ZNF254: variants seen among roughly 807,000 people sequenced by gnomAD.
ZNF254 encodes zinc finger protein 254, also known as CTD-2017D11.1.
A neutral mutation model predicts 12.4 loss-of-function variants in ZNF254; 10 were observed. The observed-to-expected ratio is 0.80, with a 90% CI of 0.50 to 1.36. ZNF254 has a LOEUF of 1.36. Ranked by LOEUF, ZNF254 falls within the 40% of genes most tolerant of loss-of-function variation. ZNF254 has a pLI of 0.00. For missense variants in ZNF254, 996 were observed against 763.9 expected (o/e 1.30, Z -3.58); for synonymous variants, 305 against 253.4 (o/e 1.20, Z -1.93).
chr19:24,115,774 C>G (rs1384465240), intron 3 of ZNF254, among the ~76,000 whole-genome samples: 1 of 152,126 alleles, frequency 6.6e-6, no homozygotes, highest in African/African-American at 2.4e-5. Flanking sequence ...TTAGTTGATG[C>G]AGTGTCTTTC....
intron 3 of ZNF254, among the ~76,000 whole-genome samples, chr19:24,119,013 G>T (rs1301120504): frequency 6.6e-6 from 1 of 151,892 alleles, no homozygotes; most frequent in Non-Finnish European, 1.5e-5. Flanking sequence ...TCGGGAGGCT[G>T]AGGAAGGAGA....
chr19:24,038,851 CT>C (rs1235352526), intron 1 of ZNF254, among the ~76,000 whole-genome samples: 1 of 152,212 alleles, frequency 6.6e-6, no homozygotes, highest in African/African-American at 2.4e-5. Context: ...TTCTATCCCC[CT>C]GGCATCTTCA....
chr19:24,126,483 A>T lies in ZNF254; in HGVS notation c.483A>T (p.Lys161Asn). The T allele has an allele frequency of 6.3e-7, 1 of 1,587,380 alleles. No homozygotes were observed. The highest frequency in any genetic ancestry group is 8.5e-7 in the Non-Finnish European group (1 of 1,171,802). The change falls in exon 4 of 4, where the codon AAA becomes AAT. Residue 161 changes from lysine (K) to asparagine (N), a missense_variant. Lys to Asn is a moderately conservative substitution (Grantham distance 94). Transcript: ENST00000357002. ...TATTTCAATGTGATAAATATTTGAA[A>T]GTCTTCTATAAATTTTTAAATTCAA... The part of the protein sequence containing the change: ...SKVFQCDKYL[K>N]VFYKFLNSNR...
intron 1 of ZNF254, among the ~76,000 whole-genome samples, chr19:24,036,047 CT>C (rs1177946275): frequency 6.6e-6 from 1 of 151,074 alleles, no homozygotes; most frequent in African/African-American, 2.4e-5. Flanking sequence ...AAGTATAATG[CT>C]TTTGTTTTGT....
In ZNF254 at chr19:24,127,439, A is replaced by T; in HGVS notation, c.1439A>T (p.His480Leu). The change falls in exon 4 of 4, where the codon CAT becomes CTT. Residue 480 changes from histidine to leucine, a missense_variant. His to Leu is a moderately conservative substitution (Grantham distance 99, BLOSUM62 -3). Transcript: ENST00000357002. The part of the protein sequence containing the change: ...AFIWSSTLTR[H>L]KRMHTGEKPY... Reference sequence around the variant, plus strand: ...ATATGGTCCTCAACCCTAACTAGACATAAGAGGATGCACACTGGAGAGAAA... The same window carrying T: ...ATATGGTCCTCAACCCTAACTAGACTTAAGAGGATGCACACTGGAGAGAAA... 6.2e-7 allele frequency: 1 copy of T among 1,612,760 alleles called. No homozygotes were observed. Among genetic ancestry groups the T allele is most frequent in the Non-Finnish European group, 8.5e-7 (1 of 1,178,928 alleles).
chr19:24,098,592 G>A (rs143527085), intron 1 of ZNF254: 30 of 152,246 alleles, frequency 2.0e-4, no homozygotes, highest in African/African-American at 7.0e-4. Flanking sequence ...TATGCACTTT[G>A]GGTATTTAGA....
intron 3 of ZNF254, among the ~76,000 whole-genome samples, chr19:24,110,998 A>C (rs1470621205): frequency 6.6e-6 from 1 of 151,964 alleles, no homozygotes; most frequent in Non-Finnish European, 1.5e-5. Context: ...CATGTGCACA[A>C]TGTGCAGGTT....
intron 1 of ZNF254, among the ~76,000 whole-genome samples, chr19:24,090,469 C>T (rs1599682579): frequency 6.6e-6 from 1 of 152,300 alleles, no homozygotes; most frequent in Middle Eastern, 3.4e-3. Context: ...GACAGTTTCC[C>T]TCTGTCACCC....
intron 1 of ZNF254, chr19:24,091,983 C>T (rs1004241246): frequency 4.1e-5 from 9 of 220,234 alleles, no homozygotes; most frequent in Admixed American, 2.0e-4. Context: ...GGGTTCACGC[C>T]GTTCTCAGCC....
At chr19:24,060,195 G>A (rs756397230) in intron 2 of ZNF254, among the ~76,000 whole-genome samples, 1 of 152,164 alleles carries the variant, frequency 6.6e-6, no homozygotes, top group Non-Finnish European at 1.5e-5. Flanking sequence ...CTGCCTTCCA[G>A]GGATATTGTT....
intron 1 of ZNF254, among the ~76,000 whole-genome samples, chr19:24,101,590 TATG>T (rs1473469060): frequency 1.3e-5 from 2 of 152,146 alleles, no homozygotes; most frequent in Non-Finnish European, 2.9e-5. Context: ...ACCTGGAAAA[TATG>T]ATATTAGAGT....
intron 1 of ZNF254, among the ~76,000 whole-genome samples, chr19:24,102,024 T>G (rs1420177247): frequency 6.6e-6 from 1 of 152,164 alleles, no homozygotes; most frequent in Non-Finnish European, 1.5e-5. Context: ...CATATAGTCA[T>G]TAGAAAAATA....
At chr19:24,052,231 T>G (rs1970675464) in intron 2 of ZNF254, among the ~76,000 whole-genome samples, 1 of 152,234 alleles carries the variant, frequency 6.6e-6, no homozygotes, top group Non-Finnish European at 1.5e-5. Context: ...TTGTGTGTTG[T>G]GACATGCCTG....
upstream of ZNF254, among the ~76,000 whole-genome samples, chr19:24,082,669 A>C (rs572149740): frequency 4.6e-3 from 670 of 144,862 alleles, 5 homozygotes; most frequent in African/African-American, 0.016. Flanking sequence ...AAAAAAAAAA[A>C]CCCAAAAAAC....
At chr19:24,097,072 C>A (rs922263544) in intron 1 of ZNF254, among the ~76,000 whole-genome samples, 1 of 151,616 alleles carries the variant, frequency 6.6e-6, no homozygotes, top group Non-Finnish European at 1.5e-5. Flanking sequence ...AGATTTTTAT[C>A]CCTGTTTTTT....
chr19:24,123,564 T>C (rs1974628846), intron 3 of ZNF254, among the ~76,000 whole-genome samples: 1 of 152,120 alleles, frequency 6.6e-6, no homozygotes, highest in Non-Finnish European at 1.5e-5. Flanking sequence ...AATATTTGCT[T>C]TATATATTTG....
chr19:24,041,489 C>G (rs1425958861), intron 1 of ZNF254, among the ~76,000 whole-genome samples: 2 of 152,378 alleles, frequency 1.3e-5, no homozygotes, highest in South Asian at 4.1e-4. Flanking sequence ...ACTGAGTCCC[C>G]CAGCAGTGCT....
chr19:24,042,784 G>C (rs971803010), intron 1 of ZNF254, among the ~76,000 whole-genome samples: 3 of 152,116 alleles, frequency 2.0e-5, no homozygotes, highest in Non-Finnish European at 4.4e-5. Flanking sequence ...TAATATCACG[G>C]CAGTAATTAT....
chr19:24,084,060 C>T (rs949613055), upstream of ZNF254, among the ~76,000 whole-genome samples: 1 of 151,006 alleles, frequency 6.6e-6, no homozygotes, highest in Non-Finnish European at 1.5e-5. Context: ...GCACAATTTG[C>T]AATTGCAAAA....
Sources: allele counts gnomAD v4.1 joint callset (sites outside exome capture counted in the v4.1 genomes callset), GRCh38; gene constraint gnomAD v4.1.1; transcripts MANE v1.5; gene names NCBI Gene and HGNC (gene_info 2026-07-23, HGNC 2026-07-21).